PCSK6: variants seen among roughly 807,000 people sequenced by gnomAD.
PCSK6 encodes paired basic amino acid cleaving enzyme 4.
A neutral mutation model predicts 123.3 loss-of-function variants in PCSK6; 85 were observed. The observed-to-expected ratio is 0.69, with a 90% CI of 0.58 to 0.83. The LOEUF is 0.83. Ranked by LOEUF, PCSK6 falls within the 40% of genes least tolerant of loss-of-function variation. The probability of loss-of-function intolerance (pLI) is 0.00; values close to 1 mark genes in which losing one functional copy is unlikely to be tolerated. For synonymous variants in PCSK6, 508 were observed against 516.0 expected (o/e 0.98, Z 0.21); for missense variants, 1,191 against 1,282.3 (o/e 0.93, Z 1.09).
intron 2 of PCSK6, among the ~76,000 whole-genome samples, chr15:101,438,874 A>G (rs1196545037): frequency 6.6e-6 from 1 of 152,214 alleles, no homozygotes; most frequent in Non-Finnish European, 1.5e-5. Flanking sequence ...TGGCAGGGAT[A>G]TTGGAGCCCA....
chr15:101,478,605 T>A (rs946554404), intron 1 of PCSK6, among the ~76,000 whole-genome samples: 1 of 152,196 alleles, frequency 6.6e-6, no homozygotes, highest in African/African-American at 2.4e-5. Flanking sequence ...ATGCTCGTTC[T>A]GAGCTTCAGA....
In PCSK6 at chr15:101,475,646, T is replaced by C. The variant is rs568691194; in HGVS notation, c.297+13728A>G. Among the ~76,000 whole-genome samples the C allele has an allele frequency of 1.8e-4, 24 of 133,158 alleles. 1 individual carries two copies. The East Asian group carries it at 4.9e-3, about 27-fold the overall frequency. 87.4% of individuals were successfully genotyped at this position (133,158 alleles called of 152,430 possible). On this transcript the variant is annotated intron_variant, in intron 1 of 21. Coordinates refer to ENST00000611716, the MANE Select transcript of PCSK6 (RefSeq NM_002570.5). ...GACCACAGGCGTACACCACCACACT[T>C]GGCTAATTTTTTTTTTTTTTTTTTT...
chr15:101,431,258 C>A (rs905482406), intron 4 of PCSK6, 62 bp downstream of exon 4: 2 of 1,570,760 alleles, frequency 1.3e-6, no homozygotes, highest in South Asian at 1.1e-5. Context: ...TTTAAACTTG[C>A]ATTTACTTAA....
At chr15:101,363,982 A>G (rs2041314446) in intron 13 of PCSK6, among the ~76,000 whole-genome samples, 1 of 152,186 alleles carries the variant, frequency 6.6e-6, no homozygotes, top group Non-Finnish European at 1.5e-5. Flanking sequence ...AACCAGAAAG[A>G]ATACAACTGG....
intron 13 of PCSK6, among the ~76,000 whole-genome samples, chr15:101,349,833 C>A (rs1488454904): frequency 2.6e-5 from 4 of 152,170 alleles, no homozygotes; most frequent in Non-Finnish European, 5.9e-5. Flanking sequence ...TCGTTTCACA[C>A]ATTTGTTCTA....
chr15:101,445,694 G>A (rs1324067471), intron 1 of PCSK6, among the ~76,000 whole-genome samples: 3 of 152,212 alleles, frequency 2.0e-5, no homozygotes, highest in African/African-American at 7.2e-5. Flanking sequence ...CTCATAAGCT[G>A]CCATCATCCC....
At chr15:101,329,102 A>T (rs962587209) in intron 15 of PCSK6, among the ~76,000 whole-genome samples, 1 of 152,130 alleles carries the variant, frequency 6.6e-6, no homozygotes, top group African/African-American at 2.4e-5. Flanking sequence ...TCTTCATACA[A>T]GGGGGGCTCC....
At chr15:101,428,831 C>T (rs997860455) in intron 5 of PCSK6, among the ~76,000 whole-genome samples, 19 of 152,282 alleles carry the variant, frequency 1.2e-4, no homozygotes, top group East Asian at 1.9e-4. Flanking sequence ...GGGCTGTTCC[C>T]GGGGTCACAG....
chr15:101,384,005 G>A, intron 10 of PCSK6: 1 of 637,350 alleles, frequency 1.6e-6, no homozygotes, highest in Non-Finnish European at 2.0e-6. Context: ...TAGTAGCTGC[G>A]ACTATAGGCA....
chr15:101,379,788 C>A (rs1263854807), intron 11 of PCSK6, among the ~76,000 whole-genome samples: 2 of 152,232 alleles, frequency 1.3e-5, no homozygotes, highest in East Asian at 3.8e-4. Flanking sequence ...ATGGGGAAAA[C>A]TCGCATAGCT....
At position 101,326,426 on chromosome 15, in the gene PCSK6, G is replaced by A. The variant is rs1198710523; in HGVS notation, c.2131C>T (p.Gln711Ter). The change falls in exon 16 of 22, where the codon CAG becomes TAG. Residue 711 changes from glutamine to a stop codon, truncating the protein, a stop_gained. Transcript: ENST00000611716. LOFTEE classifies it high-confidence loss of function. ...CTGAAGTGGACGCAGTTCAAGCACTGGTCTGCATTGGGGCCATCACAGCCT... is the reference window on the plus strand; with the variant it reads ...CTGAAGTGGACGCAGTTCAAGCACTAGTCTGCATTGGGGCCATCACAGCCT... The part of the protein sequence containing the change: ...DKGCDGPNAD[Q>*]CLNCVHFSLG... The A allele has an allele frequency of 6.3e-7, 1 of 1,586,280 alleles. No individual in the cohort carries two copies. Among genetic ancestry groups the A allele is most frequent in the Non-Finnish European group, 8.6e-7 (1 of 1,166,098 alleles).
intron 2 of PCSK6, among the ~76,000 whole-genome samples, chr15:101,435,823 CAG>C (rs1438407018): frequency 1.3e-5 from 2 of 152,154 alleles, no homozygotes; most frequent in Non-Finnish European, 2.9e-5. Flanking sequence ...CATAAACAAG[CAG>C]AGACCCAGGA....
intron 12 of PCSK6, among the ~76,000 whole-genome samples, chr15:101,369,867 C>T (rs1168707250): frequency 6.6e-6 from 1 of 152,224 alleles, no homozygotes; most frequent in Non-Finnish European, 1.5e-5. Context: ...ATTCCCGGGA[C>T]AGGCCCCTGC....
At chr15:101,339,496 T>C (rs1338622184) in intron 13 of PCSK6, among the ~76,000 whole-genome samples, 2 of 152,186 alleles carry the variant, frequency 1.3e-5, no homozygotes, top group South Asian at 2.1e-4. Context: ...CATCCATTTA[T>C]AAAAATATAC....
At chr15:101,372,948 A>G (rs962851093) in intron 11 of PCSK6, among the ~76,000 whole-genome samples, 2 of 152,126 alleles carry the variant, frequency 1.3e-5, no homozygotes, top group South Asian at 4.2e-4. Flanking sequence ...AATCCTTGTG[A>G]AGAAGCTTTA....
At chr15:101,353,424 AGT>A (rs1224161730) in intron 13 of PCSK6, among the ~76,000 whole-genome samples, 1 of 152,078 alleles carries the variant, frequency 6.6e-6, no homozygotes, top group African/African-American at 2.4e-5. Context: ...TGTGTAGTCT[AGT>A]CCCTAACAGT....
At chr15:101,420,100 A>G (rs998220307) in intron 6 of PCSK6, among the ~76,000 whole-genome samples, 3 of 148,980 alleles carry the variant, frequency 2.0e-5, no homozygotes, top group African/African-American at 7.3e-5. Context: ...CTGAGGCAGG[A>G]GAATTGCTTG....
intron 13 of PCSK6, among the ~76,000 whole-genome samples, chr15:101,361,784 G>T (rs1055756928): frequency 5.9e-5 from 9 of 152,104 alleles, no homozygotes; most frequent in Admixed American, 2.6e-4. Flanking sequence ...GCTCTAGCCA[G>T]TAGGGGTTGA....
chr15:101,415,953 T>A (rs1056285459), intron 6 of PCSK6, among the ~76,000 whole-genome samples: 1 of 152,234 alleles, frequency 6.6e-6, no homozygotes, highest in African/African-American at 2.4e-5. Context: ...AATGTCTTCA[T>A]CAGCAGCATG....
Sources: gnomAD v4.1 joint callset for allele counts (sites outside exome capture counted in the v4.1 genomes callset) on GRCh38, gnomAD v4.1.1 for gene constraint, MANE v1.5 for transcripts, NCBI Gene and HGNC (gene_info 2026-07-23, HGNC 2026-07-21) for gene names.